The following GTF2IRD1 variants were observed in gnomAD, a reference collection of about 807,000 sequenced individuals.
GTF2IRD1 encodes general transcription factor II-I repeat domain-containing protein 1.
GTF2IRD1 carries 26 observed loss-of-function variants against 113.2 expected under a neutral mutation model. The ratio of observed to expected loss-of-function variants is 0.23; its 90% CI spans 0.17 to 0.32. The LOEUF is 0.32. GTF2IRD1 is among the 10% of genes least tolerant of loss of function. GTF2IRD1 has a pLI of 1.00. For synonymous variants in GTF2IRD1, 484 were observed against 529.1 expected, an observed-to-expected ratio of 0.91 and a Z score of 1.17; for missense variants, 864 against 1,280.8, an observed-to-expected ratio of 0.67 and a Z score of 4.97.
intron 1 of GTF2IRD1, among the ~76,000 whole-genome samples, chr7:74,491,037 G>C (rs530498525): frequency 1.3e-5 from 2 of 152,194 alleles, no homozygotes; most frequent in Non-Finnish European, 1.5e-5. Flanking sequence ...GCCGAGTGCG[G>C]TGGCTCATGC....
At chr7:74,549,763 C>T (rs1225316140) in intron 17 of GTF2IRD1, among the ~76,000 whole-genome samples, 1 of 151,776 alleles carries the variant, frequency 6.6e-6, no homozygotes, top group African/African-American at 2.4e-5. Context: ...AGGCCGGGTG[C>T]GGTGGCTCAC....
rs1231758824 is a variant in GTF2IRD1, at chr7:74,512,267, G to T, written c.124-563G>T. ...CTCGGGAGGCTGAGGCAGGAGAATC[G>T]CTTGAACCTGGGAGGCAGAGGTTGC... On this transcript the variant is annotated intron_variant, in intron 2 of 26. Coordinates refer to ENST00000424337, the MANE Select transcript of GTF2IRD1 (RefSeq NM_005685.4). The surrounding 1 kb of genome is among the most constrained non-coding windows in gnomAD (Gnocchi z 4.4). 6.6e-6 allele frequency among the ~76,000 whole-genome samples: 1 copy of T among 152,164 alleles called. No homozygotes were observed. The highest frequency in any genetic ancestry group is 1.9e-4 in the East Asian group (1 of 5,192).
At chr7:74,565,611 G>A (rs587682244) in intron 22 of GTF2IRD1, among the ~76,000 whole-genome samples, 1 of 152,234 alleles carries the variant, frequency 6.6e-6, no homozygotes, top group South Asian at 2.1e-4. Flanking sequence ...ACTAAGGCGG[G>A]AGAAACCCTC....
rs1268447695 is a variant in GTF2IRD1 at position 74,533,190 on chromosome 7, A to G, written c.1275-1923A>G. Among the ~76,000 whole-genome samples the G allele has an allele frequency of 1.3e-4, 19 of 143,040 alleles. No homozygotes were observed. In the Admixed American group the frequency reaches 1.4e-3, roughly 11 times the overall value. 93.8% of individuals were successfully genotyped at this position (143,040 alleles called of 152,430 possible). ...CACTCTATTGCCCAGGCTGGAGTGC[A>G]GTGGTGCTATGTCGGCTCACTGAAA... On this transcript the variant is annotated intron_variant, in intron 9 of 26. Transcript: ENST00000424337.
intron 1 of GTF2IRD1, among the ~76,000 whole-genome samples, chr7:74,455,223 T>C (rs1464052039): frequency 6.6e-6 from 1 of 152,078 alleles, no homozygotes; most frequent in Non-Finnish European, 1.5e-5. Flanking sequence ...CACTGACTCT[T>C]GGATGGAGAA....
Position 74,508,065 on chromosome 7 carries a change from C to A in GTF2IRD1, c.-6-10C>A. ...TGTGCCCACCACCACTGCCTCCTCCCTCCCCACAGGCGACCATGGCCTTGC... is the reference window on the plus strand; with the variant it reads ...TGTGCCCACCACCACTGCCTCCTCCATCCCCACAGGCGACCATGGCCTTGC... On this transcript the variant is annotated splice_polypyrimidine_tract_variant and intron_variant, in intron 1 of 26. Transcript: ENST00000424337. The A allele has an allele frequency of 6.2e-7, 1 of 1,601,058 alleles. No homozygotes were observed.
At chr7:74,472,505 GGGAGGCCGAGGCA>G (rs782359909) in intron 1 of GTF2IRD1, among the ~76,000 whole-genome samples, 27 of 152,294 alleles carry the variant, frequency 1.8e-4, no homozygotes, top group Admixed American at 3.9e-4. Flanking sequence ...CCAGCACTTT[GGGAGGCCGAGGCA>G]GGAGGATCAC....
intron 25 of GTF2IRD1, among the ~76,000 whole-genome samples, chr7:74,598,271 C>T (rs1465929513): frequency 2.0e-5 from 3 of 151,758 alleles, no homozygotes; most frequent in Admixed American, 6.6e-5. Flanking sequence ...ACTGAACACA[C>T]GGATCTGGAG....
intron 22 of GTF2IRD1, among the ~76,000 whole-genome samples, chr7:74,569,086 C>T (rs1205129602): frequency 6.6e-6 from 1 of 152,182 alleles, no homozygotes; most frequent in Non-Finnish European, 1.5e-5. Context: ...GACTAACTTG[C>T]CCTTTCCCCC....
intron 22 of GTF2IRD1, among the ~76,000 whole-genome samples, chr7:74,578,702 AT>A (rs1801229233): frequency 6.6e-6 from 1 of 152,180 alleles, no homozygotes; most frequent in African/African-American, 2.4e-5. Flanking sequence ...TAAGAATGCA[AT>A]TAACACTTAT....
chr7:74,498,730 T>TC (rs57350525), intron 1 of GTF2IRD1, among the ~76,000 whole-genome samples: 6 of 143,072 alleles, frequency 4.2e-5, no homozygotes, highest in East Asian at 2.1e-4. Flanking sequence ...CTGTAGTTCT[T>TC]TTTTTTTTTT....
At chr7:74,599,804 T>C (rs181204688) in intron 25 of GTF2IRD1, among the ~76,000 whole-genome samples, 183 of 152,248 alleles carry the variant, frequency 1.2e-3, no homozygotes, top group African/African-American at 4.1e-3. Flanking sequence ...ATTACCAGTG[T>C]GAGCCACTGC....
chr7:74,465,856 A>G (rs1554330688), intron 1 of GTF2IRD1, among the ~76,000 whole-genome samples: 5 of 151,644 alleles, frequency 3.3e-5, no homozygotes, highest in African/African-American at 1.2e-4. Context: ...TGCAACCTCT[A>G]CCTCCTGGGT....
chr7:74,500,363 G>A (rs888857176), intron 1 of GTF2IRD1, among the ~76,000 whole-genome samples: 11 of 151,886 alleles, frequency 7.2e-5, no homozygotes, highest in Admixed American at 2.0e-4. Flanking sequence ...TGGGTGGATC[G>A]CTTGGGCTCG....
chr7:74,536,785 G>A (rs1343059159), intron 11 of GTF2IRD1, among the ~76,000 whole-genome samples: 1 of 150,892 alleles, frequency 6.6e-6, no homozygotes, highest in Non-Finnish European at 1.5e-5. Context: ...CAGTCTGGGT[G>A]ACAGAGCAAG....
At position 74,590,902 on chromosome 7, in the gene GTF2IRD1, A is replaced by T; in HGVS notation, c.2476A>T (p.Thr826Ser). ...GGACAGCCCAGACGCCGTGGAGGTC[A>T]CGGGTCTGCCTGATGACATCCCCTT... ...IRDSPDAVEV[T>S]GLPDDIPFRN... is the part of the protein sequence containing the mutation. Residue 826 changes from threonine (T) to serine (S), a missense_variant, in exon 24 of 27, where the codon ACG (threonine) becomes TCG (serine). Physicochemically the swap from Thr to Ser is moderately conservative, Grantham distance 58 (BLOSUM62 1). Transcript: ENST00000424337. 1 of 1,613,564 alleles carries T rather than the reference A, an allele frequency of 6.2e-7. No homozygotes were observed. Among genetic ancestry groups the T allele is most frequent in the East Asian group, 2.2e-5 (1 of 44,876 alleles).
At chr7:74,499,020 G>A (rs1440858306) in intron 1 of GTF2IRD1, among the ~76,000 whole-genome samples, 3 of 152,288 alleles carry the variant, frequency 2.0e-5, no homozygotes, top group South Asian at 2.1e-4. Flanking sequence ...ATGAGCCATC[G>A]CACCCAGCCT....
intron 1 of GTF2IRD1, among the ~76,000 whole-genome samples, chr7:74,480,922 G>C (rs1794706238): frequency 6.6e-6 from 1 of 152,158 alleles, no homozygotes; most frequent in Non-Finnish European, 1.5e-5. Context: ...CCTTCCAGAA[G>C]CCTAGATGAA....
chr7:74,499,267 T>C (rs1795888438), intron 1 of GTF2IRD1, among the ~76,000 whole-genome samples: 1 of 152,254 alleles, frequency 6.6e-6, no homozygotes, highest in Non-Finnish European at 1.5e-5. Flanking sequence ...GCTCACTGCC[T>C]TGGACTAGGT....
Sources: gnomAD v4.1 joint callset for allele counts (sites outside exome capture counted in the v4.1 genomes callset) on GRCh38, gnomAD v4.1.1 for gene constraint, Gnocchi (gnomAD v3.1) non-coding constraint, MANE v1.5 for transcripts, NCBI Gene and HGNC (gene_info 2026-07-23, HGNC 2026-07-21) for gene names.